The following MYCN variants were observed in gnomAD, a reference collection of about 807,000 sequenced individuals.
The protein encoded by MYCN is MYCN proto-oncogene, bHLH transcription factor, also known as N-myc proto-oncogene protein.
MYCN carries 3 observed loss-of-function variants against 28.1 expected under a neutral mutation model. The observed-to-expected ratio is 0.11, with a 90% CI of 0.05 to 0.28. The LOEUF is 0.28. Among genes scored for constraint, MYCN ranks in the 10% least tolerant of loss-of-function variants. The pLI is 1.00. For synonymous variants in MYCN, 326 were observed against 288.3 expected (o/e 1.13, Z -1.32); for missense variants, 572 against 651.4 (o/e 0.88, Z 1.33).
Position 15,940,556 on chromosome 2 carries a change from T to C in MYCN, c.-305T>C. 1 of 395,592 alleles carries C rather than the reference T, an allele frequency of 2.5e-6. No homozygotes were observed. The highest frequency in any genetic ancestry group is 4.5e-6 in the Non-Finnish European group (1 of 223,922). The allele number at this position is 395,592 out of a possible 1,614,324, so 24.5% of individuals were successfully genotyped here. A position where few individuals can be genotyped will look rare whatever the true frequency, so the allele number is the denominator to read the frequency against. ...CCCCCGAGCTTCAAAGCGCAGGCTG[T>C]GACAGTCATCTGTCTGGACGCGCTG... On this transcript the variant is annotated 5_prime_UTR_variant, in exon 1 of 3. Coordinates refer to ENST00000281043, the MANE Select transcript of MYCN (RefSeq NM_005378.6).
rs1662663450 is a variant in MYCN at position 15,941,434 on chromosome 2, A to G, written c.-117-514A>G. On this transcript the variant is annotated intron_variant, in intron 1 of 2. Transcript: ENST00000281043. This position sits in a 1 kb window ranked among gnomAD's most constrained non-coding sequence, Gnocchi z 4.8. ...CTGTTGTTGGTCTCTGTCTAGAGAAAGGCTTTTTTTTATTTGCAAAGTTTT... is the reference window on the plus strand; with the variant it reads ...CTGTTGTTGGTCTCTGTCTAGAGAAGGGCTTTTTTTTATTTGCAAAGTTTT... 1 of 154,176 alleles carries G rather than the reference A, an allele frequency of 6.5e-6. No homozygotes were observed. The allele number at this position is 154,176 out of a possible 1,614,324, so 9.6% of individuals were successfully genotyped here.
rs1308801144 is a variant in MYCN, at chr2:15,946,872, C to A, written c.*775C>A. 5 of 219,414 alleles carry A rather than the reference C, an allele frequency of 2.3e-5. No homozygotes were observed. Among genetic ancestry groups the A allele is most frequent in the Non-Finnish European group, 3.7e-5 (4 of 109,292 alleles). 13.6% of individuals were successfully genotyped at this position (219,414 alleles called of 1,614,324 possible). A position where few individuals can be genotyped will look rare whatever the true frequency, so the allele number is the denominator to read the frequency against. ...GTTTCTTCCTGTTAATGTATTTGTT[C>A]ATGTTTGGTGCATAGAACTGGGTAA... is the stretch of plus-strand genomic sequence containing the variant. On this transcript the variant is annotated 3_prime_UTR_variant, in exon 3 of 3. Coordinates refer to ENST00000281043, the MANE Select transcript of MYCN (RefSeq NM_005378.6).
In MYCN at chr2:15,946,283, A is replaced by G; in HGVS notation, c.*186A>G. ...TGGGACCTTGGAGAGCCTGCATCCC[A>G]GGATGCTGGGTGGCCCTGCAGCCTC... On this transcript the variant is annotated 3_prime_UTR_variant, in exon 3 of 3. Transcript: ENST00000281043. 2.4e-6 allele frequency: 2 copies of G among 817,892 alleles called. No homozygotes were observed. The highest frequency in any genetic ancestry group is 1.6e-5 in the South Asian group (1 of 60,774). 50.7% of individuals were successfully genotyped at this position (817,892 alleles called of 1,614,324 possible).
chr2:15,945,947 G>A lies in MYCN; in HGVS notation c.1245G>A (p.Glu415=), dbSNP rs2103331761. 1 of 1,614,164 alleles carries A rather than the reference G, an allele frequency of 6.2e-7. No homozygotes were observed. The highest frequency in any genetic ancestry group is 1.1e-5 in the South Asian group (1 of 91,086). ...ACGTGCCGGAGTTGGTAAAGAATGA[G>A]AAGGCCGCCAAGGTGGTCATTTTGA... ...RDHVPELVKN[E]KAAKVVILKK... is the part of the protein sequence containing the mutation. Residue 415 remains glutamate, a synonymous_variant, in exon 3 of 3, where the codon GAG becomes GAA. Coordinates refer to ENST00000281043, the MANE Select transcript of MYCN (RefSeq NM_005378.6). This position sits in a 1 kb window ranked among gnomAD's most constrained non-coding sequence, Gnocchi z 4.8.
At chr2:15,943,403 CTTTTT>C (rs111360717) in intron 2 of MYCN, among the ~76,000 whole-genome samples, 3 of 138,402 alleles carry the variant, frequency 2.2e-5, no homozygotes, top group African/African-American at 8.1e-5. Flanking sequence ...TTTTCTTTTT[CTTTTT>C]TTTTTTTTTT....
chr2:15,944,350 C>T (rs527827869), intron 2 of MYCN, among the ~76,000 whole-genome samples: 8 of 152,278 alleles, frequency 5.3e-5, no homozygotes, highest in Admixed American at 6.5e-5. Flanking sequence ...TGATGCTACA[C>T]GTTTCTGTTG....
In MYCN at chr2:15,945,624, C is replaced by T. The variant is rs370751156; in HGVS notation, c.922C>T (p.Leu308=). 1.9e-5 allele frequency: 30 copies of T among 1,614,080 alleles called. No individual in the cohort carries two copies. Among genetic ancestry groups the T allele is most frequent in the African/African-American group, 5.3e-5 (4 of 74,928 alleles). The change falls in exon 3 of 3, where the codon CTG becomes TTG. Residue 308 remains leucine (L), a synonymous_variant. Transcript: ENST00000281043. This position sits in a 1 kb window ranked among gnomAD's most constrained non-coding sequence, Gnocchi z 4.8. ...CACTGTGCGTCCCAAGAACGCAGCC[C>T]TGGGTCCCGGGAGGGCTCAGTCCAG... ...TITVRPKNAA[L]GPGRAQSSEL... is the part of the protein sequence containing the mutation.
Position 15,941,719 on chromosome 2 carries a change from C to G in MYCN, c.-117-229C>G, listed in dbSNP as rs544298881. 17 of 438,266 alleles carry G rather than the reference C, an allele frequency of 3.9e-5. No homozygotes were observed. In the South Asian group the frequency reaches 4.7e-4, roughly 12 times the overall value. 27.1% of individuals were successfully genotyped at this position (438,266 alleles called of 1,614,324 possible). ...CAAAGTTGCGGAGCCTCGCCACCAC[C>G]CCCTGCATCTGCATGCCCCCTCCCA... On this transcript the variant is annotated intron_variant, in intron 1 of 2. Coordinates refer to ENST00000281043, the MANE Select transcript of MYCN (RefSeq NM_005378.6). This position sits in a 1 kb window ranked among gnomAD's most constrained non-coding sequence, Gnocchi z 4.8.
Position 15,945,606 on chromosome 2 carries a change from C to G in MYCN, c.904C>G (p.Arg302Gly), listed in dbSNP as rs144939456. Residue 302 changes from arginine (R) to glycine (G), a missense_variant, in exon 3 of 3, where the codon CGT becomes GGT. Arg to Gly is a moderately radical substitution (Grantham distance 125). Coordinates refer to ENST00000281043, the MANE Select transcript of MYCN (RefSeq NM_005378.6). The surrounding 1 kb of genome is among the most constrained non-coding windows in gnomAD (Gnocchi z 4.8). Reference sequence around the variant, plus strand: ...TGTCACCACATTCACCATCACTGTGCGTCCCAAGAACGCAGCCCTGGGTCC... The same window carrying G: ...TGTCACCACATTCACCATCACTGTGGGTCCCAAGAACGCAGCCCTGGGTCC... Reference protein sequence around the residue: ...KAVTTFTITVRPKNAALGPGR... With the variant: ...KAVTTFTITVGPKNAALGPGR... 2.9e-5 allele frequency: 47 copies of G among 1,614,016 alleles called. 1 individual carries two copies. In the Admixed American group the frequency reaches 5.8e-4, roughly 20 times the overall value.
In MYCN at chr2:15,945,998, C is replaced by A. The variant is rs747603773; in HGVS notation, c.1296C>A (p.Ser432=). ...AAAAGGCCACTGAGTATGTCCACTCCCTCCAGGCCGAGGAGCACCAGCTTT... is the reference window on the plus strand; with the variant it reads ...AAAAGGCCACTGAGTATGTCCACTCACTCCAGGCCGAGGAGCACCAGCTTT... ...ILKKATEYVH[S]LQAEEHQLLL... The change falls in exon 3 of 3, where the codon TCC becomes TCA. Residue 432 remains serine, a synonymous_variant. Transcript: ENST00000281043. This position sits in a 1 kb window ranked among gnomAD's most constrained non-coding sequence, Gnocchi z 4.8. 1 of 1,614,194 alleles carries A rather than the reference C, an allele frequency of 6.2e-7. No individual in the cohort carries two copies. Among genetic ancestry groups the A allele is most frequent in the African/African-American group, 1.3e-5 (1 of 75,060 alleles).
At position 15,942,097 on chromosome 2, in the gene MYCN, C is replaced by T. The variant is rs1484413022; in HGVS notation, c.33C>T (p.Gly11=). Residue 11 remains glycine (G), a synonymous_variant, in exon 2 of 3, where the codon GGC becomes GGT. Coordinates refer to ENST00000281043, the MANE Select transcript of MYCN (RefSeq NM_005378.6). This position sits in a 1 kb window ranked among gnomAD's most constrained non-coding sequence, Gnocchi z 7.0. The part of the protein sequence containing the change: MPSCSTSTMP[G]MICKNPDLEF... ...GCTGCTCCACGTCCACCATGCCGGG[C>T]ATGATCTGCAAGAACCCAGACCTCG... is the stretch of plus-strand genomic sequence containing the variant. 1.9e-6 allele frequency: 3 copies of T among 1,613,750 alleles called. No homozygotes were observed. The highest frequency in any genetic ancestry group is 2.5e-6 in the Non-Finnish European group (3 of 1,180,020).
Position 15,942,768 on chromosome 2 carries a change from C to A in MYCN, c.704C>A (p.Ala235Asp). Residue 235 changes from alanine to aspartate, a missense_variant, in exon 2 of 3, where the codon GCC becomes GAC. By Grantham distance (126) the Ala-to-Asp change is moderately radical. Transcript: ENST00000281043. The surrounding 1 kb of genome is among the most constrained non-coding windows in gnomAD (Gnocchi z 7.0). ...GCCCCAGCCGGGGCCCCGGGGGTCGCCCCTCCGCGCCCAGGCGGCCGCCAG... is the reference window on the plus strand; with the variant it reads ...GCCCCAGCCGGGGCCCCGGGGGTCGACCCTCCGCGCCCAGGCGGCCGCCAG... ...IAAPAGAPGV[A>D]PPRPGGRQTS... 1 of 1,448,598 alleles carries A rather than the reference C, an allele frequency of 6.9e-7. No individual in the cohort carries two copies. The highest frequency in any genetic ancestry group is 9.1e-7 in the Non-Finnish European group (1 of 1,100,890). The allele number at this position is 1,448,598 out of a possible 1,614,324, so 89.7% of individuals were successfully genotyped here. A position where few individuals can be genotyped will look rare whatever the true frequency, so the allele number is the denominator to read the frequency against.
chr2:15,941,252 C>G lies in MYCN; in HGVS notation c.-118+509C>G, dbSNP rs2103321333. 6.5e-6 allele frequency: 1 copy of G among 152,756 alleles called. No individual in the cohort carries two copies. The highest frequency in any genetic ancestry group is 2.1e-4 in the South Asian group (1 of 4,830). The allele number at this position is 152,756 out of a possible 1,614,324, so 9.5% of individuals were successfully genotyped here. On this transcript the variant is annotated intron_variant, in intron 1 of 2. Transcript: ENST00000281043. This position sits in a 1 kb window ranked among gnomAD's most constrained non-coding sequence, Gnocchi z 4.8. ...CCCGGGAACAGGGGCTCAGCCTCTC[C>G]CTCCCTGGAAGAGGACGTTGTCGTG... is the stretch of plus-strand genomic sequence containing the variant.
In MYCN at chr2:15,945,894, C is replaced by T. The variant is rs1057517770; in HGVS notation, c.1192C>T (p.Arg398Trp). 1 of 1,614,028 alleles carries T rather than the reference C, an allele frequency of 6.2e-7. No homozygotes were observed. The highest frequency in any genetic ancestry group is 1.3e-5 in the African/African-American group (1 of 74,930). Reference sequence around the variant, plus strand: ...GGAGCGCCAGCGCCGCAACGACCTTCGGTCCAGCTTTCTCACGCTCAGGGA... The same window carrying T: ...GGAGCGCCAGCGCCGCAACGACCTTTGGTCCAGCTTTCTCACGCTCAGGGA... ...ILERQRRNDLRSSFLTLRDHV... is the reference protein window; with the variant it reads ...ILERQRRNDLWSSFLTLRDHV... Residue 398 changes from arginine to tryptophan, a missense_variant, in exon 3 of 3, where the codon CGG becomes TGG. Physicochemically the swap from Arg to Trp is moderately radical, Grantham distance 101. Coordinates refer to ENST00000281043, the MANE Select transcript of MYCN (RefSeq NM_005378.6). The surrounding 1 kb of genome is among the most constrained non-coding windows in gnomAD (Gnocchi z 4.8).
rs1438100504 is a variant in MYCN at position 15,942,690 on chromosome 2, C to G, written c.626C>G (p.Pro209Arg). 3 of 1,187,152 alleles carry G rather than the reference C, an allele frequency of 2.5e-6. No homozygotes were observed. The highest frequency in any genetic ancestry group is 3.8e-5 in the South Asian group (1 of 26,070). The allele number at this position is 1,187,152 out of a possible 1,614,324, so 73.5% of individuals were successfully genotyped here. A position where few individuals can be genotyped will look rare whatever the true frequency, so the allele number is the denominator to read the frequency against. Residue 209 changes from proline to arginine, a missense_variant, in exon 2 of 3, where the codon CCG (proline) becomes CGG (arginine). Pro to Arg is a moderately radical substitution (Grantham distance 103). This residue lies in a region of MYCN where 499 missense variants were observed against 524.3 expected (regional missense o/e 0.95). Transcript: ENST00000281043. This position sits in a 1 kb window ranked among gnomAD's most constrained non-coding sequence, Gnocchi z 7.0. ...KREPAPVPAA[P>R]ASAPAAGPAV... ...GAGCCAGCGCCCGTGCCCGCAGCCC[C>G]GGCCAGTGCCCCGGCGGCGGGCCCT...
rs200482512 is a variant in MYCN at position 15,945,918 on chromosome 2, G to C, written c.1216G>C (p.Asp406His). The C allele has an allele frequency of 6.2e-7, 1 of 1,614,130 alleles. No homozygotes were observed. The highest frequency in any genetic ancestry group is 8.5e-7 in the Non-Finnish European group (1 of 1,180,046). The change falls in exon 3 of 3, where the codon GAC (aspartate) becomes CAC (histidine). Residue 406 changes from aspartate (D) to histidine (H), a missense_variant. Physicochemically the swap from Asp to His is moderately conservative, Grantham distance 81. Transcript: ENST00000281043. This position sits in a 1 kb window ranked among gnomAD's most constrained non-coding sequence, Gnocchi z 4.8. ...DLRSSFLTLR[D>H]HVPELVKNEK... is the part of the protein sequence containing the mutation. ...TCGGTCCAGCTTTCTCACGCTCAGGGACCACGTGCCGGAGTTGGTAAAGAA... is the reference window on the plus strand; with the variant it reads ...TCGGTCCAGCTTTCTCACGCTCAGGCACCACGTGCCGGAGTTGGTAAAGAA...
In MYCN at chr2:15,946,099, C is replaced by A. The variant is rs141392135; in HGVS notation, c.*2C>A. ...ATTGAACACGCTCGGACTTGCTAGA[C>A]GCTTCTCAAAACTGGACAGTCACTG... is the stretch of plus-strand genomic sequence containing the variant. On this transcript the variant is annotated 3_prime_UTR_variant, in exon 3 of 3. Coordinates refer to ENST00000281043, the MANE Select transcript of MYCN (RefSeq NM_005378.6). The A allele has an allele frequency of 6.2e-7, 1 of 1,614,124 alleles. No individual in the cohort carries two copies. The highest frequency in any genetic ancestry group is 8.5e-7 in the Non-Finnish European group (1 of 1,180,048).
At position 15,945,697 on chromosome 2, in the gene MYCN, A is replaced by G; in HGVS notation, c.995A>G (p.Tyr332Cys). 1 of 1,614,052 alleles carries G rather than the reference A, an allele frequency of 6.2e-7. No homozygotes were observed. Among genetic ancestry groups the G allele is most frequent in the Non-Finnish European group, 8.5e-7 (1 of 1,179,980 alleles). The part of the protein sequence containing the change: ...RCLPIHQQHN[Y>C]AAPSPYVESE... The stretch of plus-strand genomic sequence containing the variant: ...CTTCCCATCCACCAGCAGCACAACT[A>G]TGCCGCCCCCTCTCCCTACGTGGAG... The change falls in exon 3 of 3, where the codon TAT becomes TGT. Residue 332 changes from tyrosine to cysteine, a missense_variant. Tyr to Cys is a radical substitution (Grantham distance 194). Around this residue, in one of 3 missense-constraint regions of MYCN, gnomAD observed 499 missense variants for 524.3 expected, o/e 0.95. Transcript: ENST00000281043. This position sits in a 1 kb window ranked among gnomAD's most constrained non-coding sequence, Gnocchi z 4.8.
Position 15,945,438 on chromosome 2 carries a change from T to C in MYCN, c.791-55T>C, listed in dbSNP as rs1020704503. ...GCATACATATTAACATGGATATATA[T>C]GTGAATTTCATTCAAATGGTTCTCA... On this transcript the variant is annotated intron_variant, in intron 2 of 2. Transcript: ENST00000281043. This position sits in a 1 kb window ranked among gnomAD's most constrained non-coding sequence, Gnocchi z 4.8. 5 of 1,549,378 alleles carry C rather than the reference T, an allele frequency of 3.2e-6. No homozygotes were observed. Among genetic ancestry groups the C allele is most frequent in the African/African-American group, 1.4e-5 (1 of 73,118 alleles).
Sources: gnomAD v4.1 joint callset for allele counts (sites outside exome capture counted in the v4.1 genomes callset) on GRCh38, gnomAD v4.1.1 for gene constraint, gnomAD v4.1.1 regional missense constraint, Gnocchi (gnomAD v3.1) non-coding constraint, MANE v1.5 for transcripts, NCBI Gene and HGNC (gene_info 2026-07-23, HGNC 2026-07-21) for gene names.